The following IAPP variants were observed in gnomAD, a reference collection of about 807,000 sequenced individuals.
IAPP encodes the protein Islet amyloid polypeptide (diabetes-associated peptide; amylin).
In IAPP, 4 loss-of-function variants were observed where a neutral mutation model predicts 2.9. The ratio of observed to expected loss-of-function variants is 1.39; its 90% CI spans 0.69 to 3.19. The LOEUF (loss-of-function observed/expected upper bound fraction) is 3.19, where lower values mean the gene tolerates loss of function less well. Ranked by LOEUF, IAPP falls within the 30% of genes most tolerant of loss-of-function variation. The probability of loss-of-function intolerance (pLI) is 0.01; values close to 1 mark genes in which losing one functional copy is unlikely to be tolerated. For synonymous variants in IAPP, 40 were observed against 42.1 expected (o/e 0.95, Z 0.19); for missense variants, 114 against 105.3 (o/e 1.08, Z -0.36).
intron 1 of IAPP, among the ~76,000 whole-genome samples, chr12:21,364,661 C>A (rs1177831746): frequency 6.6e-6 from 1 of 152,130 alleles, no homozygotes; most frequent in East Asian, 1.9e-4. Context: ...ACATCTCAGC[C>A]CAAAATCTCC....
At chr12:21,366,131 A>G (rs1384374250) in intron 1 of IAPP, among the ~76,000 whole-genome samples, 1 of 152,212 alleles carries the variant, frequency 6.6e-6, no homozygotes, top group African/African-American at 2.4e-5. Flanking sequence ...TCACAACAGC[A>G]AAGACTTGGA....
At chr12:21,360,541 C>A (rs1938759024) in intron 1 of IAPP, among the ~76,000 whole-genome samples, 2 of 152,222 alleles carry the variant, frequency 1.3e-5, no homozygotes, top group African/African-American at 4.8e-5. Flanking sequence ...GTTCATCTCA[C>A]TGGGGCTTGC....
rs1394306606 is a variant in IAPP at position 21,373,013 on chromosome 12, T to C, written c.-16+9T>C. ...CATTGAAACATTAAAAGGTAAAGAA[T>C]TTCCTATTTCTGGGAAAGTTTTATT... is the stretch of plus-strand genomic sequence containing the variant. On this transcript the variant is annotated intron_variant, in intron 1 of 2. Coordinates refer to ENST00000240652, the MANE Select transcript of IAPP (RefSeq NM_000415.3). The C allele has an allele frequency of 3.5e-6, 1 of 283,370 alleles. No homozygotes were observed. Among genetic ancestry groups the C allele is most frequent in the Middle Eastern group, 1.2e-3 (1 of 828 alleles). The allele number at this position is 283,370 out of a possible 1,614,324, so 17.6% of individuals were successfully genotyped here.
chr12:21,360,744 G>A (rs545918794), intron 1 of IAPP, among the ~76,000 whole-genome samples: 10 of 152,298 alleles, frequency 6.6e-5, no homozygotes, highest in Non-Finnish European at 1.5e-4. Flanking sequence ...ATTATATCCC[G>A]CGGCTGGCTT....
At chr12:21,369,345 G>A (rs1293144194), upstream of IAPP, among the ~76,000 whole-genome samples, 1 of 152,032 alleles carries the variant, frequency 6.6e-6, no homozygotes, top group African/African-American at 2.4e-5. Context: ...CTGGTCTAAG[G>A]CCTCATGATC....
At chr12:21,360,471 G>T (rs1938751386) in intron 1 of IAPP, among the ~76,000 whole-genome samples, 1 of 152,216 alleles carries the variant, frequency 6.6e-6, no homozygotes, top group African/African-American at 2.4e-5. Context: ...CCAGTCTGCA[G>T]CTCCCAGTGT....
chr12:21,378,546 G>C lies in IAPP; in HGVS notation c.*120G>C. On this transcript the variant is annotated 3_prime_UTR_variant, in exon 3 of 3. Transcript: ENST00000240652. The stretch of plus-strand genomic sequence containing the variant: ...CTGTGTGTCTGATGTTTGTTGCTAG[G>C]ACATATACCTTCTCAAAAGATTGTT... 1.3e-6 allele frequency: 1 copy of C among 792,848 alleles called. No homozygotes were observed. The highest frequency in any genetic ancestry group is 1.5e-5 in the South Asian group (1 of 66,446). 49.1% of individuals were successfully genotyped at this position (792,848 alleles called of 1,614,324 possible).
chr12:21,357,786 A>G (rs928666355), intron 1 of IAPP, among the ~76,000 whole-genome samples: 1 of 152,190 alleles, frequency 6.6e-6, no homozygotes, highest in Non-Finnish European at 1.5e-5. Flanking sequence ...TGTCTGAAAC[A>G]AGATCTCAGG....
At chr12:21,373,215 T>A in intron 1 of IAPP, 122 bp from the exon 2 acceptor site, 1 of 700,960 alleles carries the variant, frequency 1.4e-6, no homozygotes, top group African/African-American at 1.8e-5. Context: ...AATAAAAATT[T>A]TGATCCTTGT....
chr12:21,362,000 A>G (rs984990745), intron 1 of IAPP, among the ~76,000 whole-genome samples: 1 of 152,176 alleles, frequency 6.6e-6, no homozygotes, highest in Non-Finnish European at 1.5e-5. Context: ...AACTTCCCCA[A>G]CCTAGCGGGG....
rs935466697 is a variant in IAPP, at chr12:21,379,078, A to C, written c.*652A>C. Reference sequence around the variant, plus strand: ...TGGCAGAGTGAGACTCGTCTCAAAAAAAAGAAAGAAAATTAGTAATTGTAA... The same window carrying C: ...TGGCAGAGTGAGACTCGTCTCAAAACAAAGAAAGAAAATTAGTAATTGTAA... On this transcript the variant is annotated 3_prime_UTR_variant, in exon 3 of 3. Transcript: ENST00000240652. 1 of 152,242 alleles carries C rather than the reference A, an allele frequency of 6.6e-6. No homozygotes were observed. Among genetic ancestry groups the C allele is most frequent in the Non-Finnish European group, 1.5e-5 (1 of 68,072 alleles). The allele number at this position is 152,242 out of a possible 1,614,324, so 9.4% of individuals were successfully genotyped here. A position where few individuals can be genotyped will look rare whatever the true frequency, so the allele number is the denominator to read the frequency against.
intron 1 of IAPP, among the ~76,000 whole-genome samples, chr12:21,366,799 G>T (rs574432667): frequency 2.5e-4 from 38 of 151,824 alleles, no homozygotes; most frequent in African/African-American, 8.7e-4. Flanking sequence ...TTTTTTTATG[G>T]AAAAGTTGGT....
Position 21,378,549 on chromosome 12 carries a change from A to C in IAPP, c.*123A>C, listed in dbSNP as rs1419446788. 3 of 779,450 alleles carry C rather than the reference A, an allele frequency of 3.8e-6. No individual in the cohort carries two copies. In the East Asian group the frequency reaches 7.9e-5, roughly 20 times the overall value. The allele number at this position is 779,450 out of a possible 1,614,324, so 48.3% of individuals were successfully genotyped here. A position where few individuals can be genotyped will look rare whatever the true frequency, so the allele number is the denominator to read the frequency against. ...TGTGTCTGATGTTTGTTGCTAGGAC[A>C]TATACCTTCTCAAAAGATTGTTTTA... On this transcript the variant is annotated 3_prime_UTR_variant, in exon 3 of 3. Coordinates refer to ENST00000240652, the MANE Select transcript of IAPP (RefSeq NM_000415.3).
intron 2 of IAPP, among the ~76,000 whole-genome samples, chr12:21,376,068 C>G (rs1041602411): frequency 6.6e-6 from 1 of 152,096 alleles, no homozygotes; most frequent in Non-Finnish European, 1.5e-5. Flanking sequence ...ATGATAAAAA[C>G]ATAAATGCTT....
In IAPP at chr12:21,378,981, A is replaced by C. The variant is rs570615801; in HGVS notation, c.*555A>C. The C allele has an allele frequency of 6.5e-6, 1 of 153,172 alleles. No homozygotes were observed. Among genetic ancestry groups the C allele is most frequent in the East Asian group, 1.9e-4 (1 of 5,204 alleles). The allele number at this position is 153,172 out of a possible 1,614,324, so 9.5% of individuals were successfully genotyped here. On this transcript the variant is annotated 3_prime_UTR_variant, in exon 3 of 3. Transcript: ENST00000240652. ...TCCCAGCTACTCAGGAGGCTAAGGC[A>C]GGAGAATCGCTTAAACCCAGGAGGC...
chr12:21,366,467 C>T (rs914442965), intron 1 of IAPP, among the ~76,000 whole-genome samples: 1 of 152,068 alleles, frequency 6.6e-6, no homozygotes, highest in Non-Finnish European at 1.5e-5. Context: ...ACGGGTGCAG[C>T]ACACCAACAT....
chr12:21,363,222 G>C (rs1458475210), intron 1 of IAPP, among the ~76,000 whole-genome samples: 5 of 152,112 alleles, frequency 3.3e-5, no homozygotes, highest in Non-Finnish European at 1.5e-5. Flanking sequence ...AATCAAACTA[G>C]AACTCAGGAT....
At chr12:21,363,227 C>T (rs1379887180) in intron 1 of IAPP, among the ~76,000 whole-genome samples, 1 of 152,134 alleles carries the variant, frequency 6.6e-6, no homozygotes, top group Non-Finnish European at 1.5e-5. Context: ...AACTAGAACT[C>T]AGGATTAAGA....
upstream of IAPP, among the ~76,000 whole-genome samples, chr12:21,368,270 T>C (rs1420340678): frequency 1.3e-5 from 2 of 151,984 alleles, no homozygotes; most frequent in Non-Finnish European, 2.9e-5. Context: ...GAAATGCAAA[T>C]GAGAAAGGAA....
Sources: gnomAD v4.1 joint callset for allele counts (sites outside exome capture counted in the v4.1 genomes callset) on GRCh38, gnomAD v4.1.1 for gene constraint, MANE v1.5 for transcripts, NCBI Gene and HGNC (gene_info 2026-07-23, HGNC 2026-07-21) for gene names.